The following CLEC19A variants were observed in gnomAD, a reference collection of about 807,000 sequenced individuals.
CLEC19A encodes the protein C-type lectin domain containing 19A, also known as C-type lectin domain family 19 member A.
A neutral mutation model predicts 26.1 loss-of-function variants in CLEC19A; 21 were observed. The ratio of observed to expected loss-of-function variants is 0.80; its 90% CI spans 0.57 to 1.16. The LOEUF (loss-of-function observed/expected upper bound fraction) is 1.16. CLEC19A is among the 50% of genes most tolerant of loss of function. The pLI, the probability that CLEC19A is intolerant of heterozygous loss-of-function variation, is 0.00. For synonymous variants in CLEC19A, 89 were observed against 88.6 expected (o/e 1.00, Z -0.03); for missense variants, 224 against 227.6 (o/e 0.98, Z 0.10).
chr16:19,289,184 G>T (rs765040003), intron 1 of CLEC19A, among the ~76,000 whole-genome samples: 5 of 152,196 alleles, frequency 3.3e-5, no homozygotes, highest in Non-Finnish European at 7.4e-5. Flanking sequence ...TCCTAGAGCA[G>T]CCCGGATCCT....
At chr16:19,290,356 C>G (rs553907576) in intron 1 of CLEC19A, among the ~76,000 whole-genome samples, 114 of 152,068 alleles carry the variant, frequency 7.5e-4, no homozygotes, top group African/African-American at 2.7e-3. Flanking sequence ...TCCCCTCCCC[C>G]ACCACCAGTC....
chr16:19,286,549 A>G (rs1004059969), intron 1 of CLEC19A, among the ~76,000 whole-genome samples: 5 of 152,190 alleles, frequency 3.3e-5, no homozygotes, highest in Non-Finnish European at 7.4e-5. Flanking sequence ...AGTGTCCCAT[A>G]TGGAGGGTGA....
chr16:19,298,156 C>T (rs1303072634), intron 1 of CLEC19A, among the ~76,000 whole-genome samples: 1 of 151,246 alleles, frequency 6.6e-6, no homozygotes, highest in Non-Finnish European at 1.5e-5. Flanking sequence ...GCAGGAGAAT[C>T]GCTTGAACCC....
intron 1 of CLEC19A, among the ~76,000 whole-genome samples, chr16:19,290,237 G>A (rs1014255130): frequency 6.6e-6 from 1 of 152,066 alleles, no homozygotes; most frequent in Non-Finnish European, 1.5e-5. Context: ...AGACCTTGGG[G>A]GCCTCTGATG....
chr16:19,294,545 A>G (rs1234253054), intron 1 of CLEC19A, among the ~76,000 whole-genome samples: 1 of 152,212 alleles, frequency 6.6e-6, no homozygotes, highest in Non-Finnish European at 1.5e-5. Context: ...AAAGGAAACC[A>G]GGGGAAAAAC....
At chr16:19,288,263 G>T (rs1329301818) in intron 1 of CLEC19A, among the ~76,000 whole-genome samples, 6 of 152,184 alleles carry the variant, frequency 3.9e-5, no homozygotes, top group Admixed American at 3.3e-4. Flanking sequence ...CAGAGGGAAT[G>T]TGTGTGAGTT....
chr16:19,292,971 A>C (rs1897621162), intron 1 of CLEC19A, among the ~76,000 whole-genome samples: 1 of 152,174 alleles, frequency 6.6e-6, no homozygotes, highest in South Asian at 2.1e-4. Flanking sequence ...CTGGGAGGTG[A>C]GACAAAGCAG....
intron 1 of CLEC19A, among the ~76,000 whole-genome samples, chr16:19,294,154 T>TAA (rs35286909): frequency 1.0e-4 from 15 of 147,532 alleles, no homozygotes; most frequent in Admixed American, 1.3e-4. Flanking sequence ...AAAGTTTATT[T>TAA]AAAAAAAAAA....
At chr16:19,298,585 T>A in intron 1 of CLEC19A, 88 bp from the exon 2 acceptor site, 1 of 1,356,216 alleles carries the variant, frequency 7.4e-7, no homozygotes, top group Non-Finnish European at 9.9e-7. Context: ...ATTAAAAGAT[T>A]GTAAAGAAAA....
At chr16:19,291,215 A>G (rs1355307189) in intron 1 of CLEC19A, among the ~76,000 whole-genome samples, 1 of 152,214 alleles carries the variant, frequency 6.6e-6, no homozygotes, top group Non-Finnish European at 1.5e-5. Context: ...TCTGTGTAGT[A>G]TACCACACAG....
At chr16:19,298,913 A>G in intron 2 of CLEC19A, 75 bp downstream of exon 2, 1 of 1,407,100 alleles carries the variant, frequency 7.1e-7, no homozygotes. Flanking sequence ...TGGTATTTCC[A>G]ACTGGCATTT....
At chr16:19,300,225 AAAATAAAT>A (rs35246353) in intron 2 of CLEC19A, among the ~76,000 whole-genome samples, 2 of 150,894 alleles carry the variant, frequency 1.3e-5, no homozygotes, top group African/African-American at 2.4e-5. Flanking sequence ...TTCTGTCTCA[AAAATAAAT>A]AAATAAATAA....
intron 3 of CLEC19A, among the ~76,000 whole-genome samples, 161 bp from the exon 4 acceptor site, chr16:19,307,384 T>C (rs1034434953): frequency 1.3e-5 from 2 of 152,190 alleles, no homozygotes; most frequent in African/African-American, 2.4e-5. Context: ...AGCAGTCAGA[T>C]TGGTAGCAGT....
intron 2 of CLEC19A, among the ~76,000 whole-genome samples, chr16:19,302,127 T>C (rs1897848771): frequency 6.6e-6 from 1 of 152,090 alleles, no homozygotes; most frequent in African/African-American, 2.4e-5. Context: ...TTTTCCTCTT[T>C]CCTTTCCTCC....
At chr16:19,306,728 A>G (rs1897963557) in intron 3 of CLEC19A, among the ~76,000 whole-genome samples, 1 of 151,262 alleles carries the variant, frequency 6.6e-6, no homozygotes, top group African/African-American at 2.4e-5. Flanking sequence ...TCTCTAAAGG[A>G]CACATTAACT....
At position 19,298,758 on chromosome 16, in the gene CLEC19A, T is replaced by C. The variant is rs1897757165; in HGVS notation, c.174T>C (p.Asn58=). 1.3e-6 allele frequency: 2 copies of C among 1,550,876 alleles called. No individual in the cohort carries two copies. The highest frequency in any genetic ancestry group is 1.7e-4 in the Middle Eastern group (1 of 5,996). The change falls in exon 2 of 5, where the codon AAT becomes AAC. Residue 58 remains asparagine (N), a synonymous_variant. Transcript: ENST00000636231. ...KGHCYRFFPL[N]KTWAEADLYC... ...ACTGCTATCGATTCTTCCCTCTCAATAAGACCTGGGCTGAGGCCGACCTCT... is the reference window on the plus strand; with the variant it reads ...ACTGCTATCGATTCTTCCCTCTCAACAAGACCTGGGCTGAGGCCGACCTCT...
Position 19,298,026 on chromosome 16 carries a change from G to A in CLEC19A, c.89-647G>A, listed in dbSNP as rs549151256. On this transcript the variant is annotated intron_variant, in intron 1 of 4. Transcript: ENST00000636231. ...AGCATTTTGGGAGGCCGAGGCGGGCGGATCACCTGAGGTCGAGACTTTGAG... is the reference window on the plus strand; with the variant it reads ...AGCATTTTGGGAGGCCGAGGCGGGCAGATCACCTGAGGTCGAGACTTTGAG... Among the ~76,000 whole-genome samples the A allele has an allele frequency of 4.7e-4, 72 of 151,908 alleles. No individual in the cohort carries two copies. In the South Asian group the frequency reaches 8.3e-3, roughly 18 times the overall value.
chr16:19,290,934 G>T (rs747374712), intron 1 of CLEC19A, among the ~76,000 whole-genome samples: 1 of 152,056 alleles, frequency 6.6e-6, no homozygotes, highest in East Asian at 1.9e-4. Context: ...GAACTTCTGG[G>T]CTCAAGTGAT....
At chr16:19,294,856 G>GT (rs1056174380) in intron 1 of CLEC19A, among the ~76,000 whole-genome samples, 22 of 152,002 alleles carry the variant, frequency 1.4e-4, no homozygotes, top group Non-Finnish European at 3.2e-4. Context: ...TTGCTGTGAT[G>GT]TTTTGTGTTG....
Sources: allele counts gnomAD v4.1 joint callset (sites outside exome capture counted in the v4.1 genomes callset), GRCh38; gene constraint gnomAD v4.1.1; transcripts MANE v1.5; gene names NCBI Gene and HGNC (gene_info 2026-07-23, HGNC 2026-07-21).